The following KLF8 variants were observed in gnomAD, a reference collection of about 807,000 sequenced individuals.
The protein encoded by KLF8 is KLF transcription factor 8, also known as Krueppel-like factor 8.
In KLF8, 10 loss-of-function variants were observed where a neutral mutation model predicts 18.2. That is an observed-to-expected ratio of 0.55 (90% CI 0.34 to 0.93). KLF8 has a LOEUF of 0.93. Ranked by LOEUF, KLF8 falls within the 40% of genes least tolerant of loss-of-function variation. KLF8 has a pLI of 0.02. For missense variants in KLF8, 264 were observed against 277.9 expected, an observed-to-expected ratio of 0.95 and a Z score of 0.36; for synonymous variants, 109 against 97.3, an observed-to-expected ratio of 1.12 and a Z score of -0.71.
chrX:56,080,022 T>C, the KLF8 span, among the ~76,000 whole-genome samples: 1 of 111,405 alleles, frequency 9.0e-6, no homozygotes, highest in African/African-American at 3.3e-5. Context: ...TCCATCCTTC[T>C]ATTTTGAGCC....
At chrX:56,077,148 A>G in the KLF8 span, among the ~76,000 whole-genome samples, 1 of 112,099 alleles carries the variant, frequency 8.9e-6, no homozygotes, top group Non-Finnish European at 1.9e-5. Context: ...TAATTTAATT[A>G]GATCCCATTT....
At chrX:56,078,625 A>T in the KLF8 span, among the ~76,000 whole-genome samples, 40 of 111,880 alleles carry the variant, frequency 3.6e-4, no homozygotes, top group African/African-American at 1.2e-3. Context: ...TGTCTCTGCC[A>T]GGCTTTGGTA....
intron 1 of KLF8, among the ~76,000 whole-genome samples, chrX:56,235,564 G>A (rs1035866872): frequency 1.8e-5 from 2 of 109,442 alleles, no homozygotes; most frequent in Admixed American, 9.8e-5. Context: ...TTACAGGCAT[G>A]CACCACCATA....
At chrX:56,071,638 A>G in the KLF8 span, among the ~76,000 whole-genome samples, 3 of 111,677 alleles carry the variant, frequency 2.7e-5, no homozygotes, top group African/African-American at 9.7e-5. Context: ...GTAGTCATTT[A>G]AGTGAAGAAA....
At chrX:56,169,513 C>T in the KLF8 span, among the ~76,000 whole-genome samples, 1 of 110,558 alleles carries the variant, frequency 9.0e-6, no homozygotes, top group African/African-American at 3.3e-5. Flanking sequence ...CATAAGCTGA[C>T]TGAAGAGCCT....
the KLF8 span, among the ~76,000 whole-genome samples, chrX:56,153,961 C>T: frequency 1.8e-5 from 2 of 111,598 alleles, no homozygotes; most frequent in Admixed American, 1.9e-4. Context: ...ACATTCCATG[C>T]TCATGAGTAG....
chrX:55,988,760 G>A, the KLF8 span, among the ~76,000 whole-genome samples: 2 of 111,606 alleles, frequency 1.8e-5, no homozygotes, highest in African/African-American at 3.3e-5. Flanking sequence ...TAGCTTGATG[G>A]GGATGGCATT....
the KLF8 span, among the ~76,000 whole-genome samples, chrX:56,220,192 T>G: frequency 7.1e-5 from 8 of 112,346 alleles, no homozygotes; most frequent in African/African-American, 2.3e-4. Flanking sequence ...TAACAGAATA[T>G]ATATTCCTAT....
At chrX:56,174,902 C>T in the KLF8 span, among the ~76,000 whole-genome samples, 2 of 111,820 alleles carry the variant, frequency 1.8e-5, no homozygotes, top group Admixed American at 9.5e-5. Context: ...TTATACCATT[C>T]TCTGATGGTA....
chrX:56,219,904 G>A, the KLF8 span, among the ~76,000 whole-genome samples: 1 of 111,867 alleles, frequency 8.9e-6, no homozygotes, highest in Non-Finnish European at 1.9e-5. Flanking sequence ...AACATTGGGG[G>A]GCAGTAGAGA....
Position 56,275,351 on chromosome X carries a change from A to G in KLF8, c.898+5030A>G, listed in dbSNP as rs761649923. Among the ~76,000 whole-genome samples, 23 of 111,332 alleles carry G rather than the reference A, an allele frequency of 2.1e-4. No homozygotes were observed. The South Asian group carries it at 8.2e-3, about 39-fold the overall frequency. ...TTTGGATTTTGTATGTCAGTTTTTTATCCTATAACTTTACTAATTTTTTTT... is the reference window on the plus strand; with the variant it reads ...TTTGGATTTTGTATGTCAGTTTTTTGTCCTATAACTTTACTAATTTTTTTT... On this transcript the variant is annotated intron_variant, in intron 5 of 5. Transcript: ENST00000468660.
chrX:56,078,492 C>T, the KLF8 span, among the ~76,000 whole-genome samples: 1 of 111,588 alleles, frequency 9.0e-6, no homozygotes, highest in Non-Finnish European at 1.9e-5. Flanking sequence ...GGGATGAATC[C>T]CACTTGATCA....
chrX:56,248,959 A>G (rs1049541903), intron 1 of KLF8, among the ~76,000 whole-genome samples: 1 of 112,016 alleles, frequency 8.9e-6, no homozygotes, highest in South Asian at 3.8e-4. Flanking sequence ...AAATGTGATT[A>G]AACACCTACC....
upstream of KLF8, among the ~76,000 whole-genome samples, chrX:56,230,790 A>C (rs1396535178): frequency 1.8e-5 from 2 of 111,233 alleles, no homozygotes; most frequent in African/African-American, 6.5e-5. Flanking sequence ...CAGAAATGAG[A>C]TCGCCTGGTG....
At chrX:56,056,377 T>C in the KLF8 span, among the ~76,000 whole-genome samples, 1 of 109,694 alleles carries the variant, frequency 9.1e-6, no homozygotes, top group Non-Finnish European at 1.9e-5. Context: ...TTGCTCTCAC[T>C]CTGGGGGCCT....
intron 1 of KLF8, among the ~76,000 whole-genome samples, chrX:56,242,112 C>T (rs1476614701): frequency 5.3e-5 from 6 of 112,409 alleles, no homozygotes; most frequent in African/African-American, 1.9e-4. Flanking sequence ...CATAATTCCT[C>T]TTAGCTTTCA....
chrX:55,945,482 C>A, the KLF8 span, among the ~76,000 whole-genome samples: 3 of 110,184 alleles, frequency 2.7e-5, no homozygotes, highest in East Asian at 5.7e-4. Flanking sequence ...CTTTGTAGGT[C>A]GTATCTCAAA....
At chrX:56,212,634 T>A in the KLF8 span, among the ~76,000 whole-genome samples, 1 of 112,121 alleles carries the variant, frequency 8.9e-6, no homozygotes, top group East Asian at 2.8e-4. Flanking sequence ...GCTGTTTCCC[T>A]TCTCCCAATG....
At chrX:56,076,518 A>G in the KLF8 span, among the ~76,000 whole-genome samples, 1 of 110,879 alleles carries the variant, frequency 9.0e-6, no homozygotes, top group Admixed American at 9.6e-5. Flanking sequence ...TATGTGCCAC[A>G]TTTTCTTAAT....
Sources: allele counts gnomAD v4.1 joint callset (sites outside exome capture counted in the v4.1 genomes callset), GRCh38; gene constraint gnomAD v4.1.1; transcripts MANE v1.5; gene names NCBI Gene and HGNC (gene_info 2026-07-23, HGNC 2026-07-21).